The following ADCY2 variants were observed in gnomAD, a reference collection of about 807,000 sequenced individuals.
The protein encoded by ADCY2 is adenylate cyclase 2, also known as adenylate cyclase type 2.
Under a neutral mutation model 125.2 loss-of-function variants are expected in ADCY2, and 31 were observed. That is an observed-to-expected ratio of 0.25 (90% confidence interval 0.19 to 0.33). ADCY2 has a LOEUF of 0.33. ADCY2 is among the 10% of genes least tolerant of loss of function. ADCY2 has a pLI of 1.00. For missense variants in ADCY2, 904 were observed against 1,418.2 expected, an observed-to-expected ratio of 0.64 and a Z score of 5.82; for synonymous variants, 512 against 548.4, an observed-to-expected ratio of 0.93 and a Z score of 0.93.
chr5:7,588,521 T>C (rs903902527), intron 3 of ADCY2, among the ~76,000 whole-genome samples: 1 of 152,218 alleles, frequency 6.6e-6, no homozygotes, highest in African/African-American at 2.4e-5. Flanking sequence ...GATAGATCAA[T>C]GGACTGTTGC....
chr5:7,415,934 C>T (rs986892859), intron 2 of ADCY2, among the ~76,000 whole-genome samples: 3 of 151,632 alleles, frequency 2.0e-5, no homozygotes, highest in African/African-American at 2.4e-5. Context: ...AGAGGGCTGT[C>T]GCAGGGTTGA....
chr5:7,593,815 T>G (rs1221629699), intron 3 of ADCY2, among the ~76,000 whole-genome samples: 1 of 150,608 alleles, frequency 6.6e-6, no homozygotes, highest in Admixed American at 6.6e-5. Context: ...AAAAAAAAAA[T>G]AACATGACAG....
At chr5:7,432,940 A>G (rs1349089418) in intron 2 of ADCY2, among the ~76,000 whole-genome samples, 6 of 152,068 alleles carry the variant, frequency 3.9e-5, no homozygotes, top group Non-Finnish European at 7.4e-5. Flanking sequence ...TGCTTATTGT[A>G]CATCAGTTAT....
intron 18 of ADCY2, among the ~76,000 whole-genome samples, chr5:7,780,086 A>G (rs920455216): frequency 6.6e-6 from 1 of 152,228 alleles, no homozygotes; most frequent in Admixed American, 6.5e-5. Context: ...AGGAGAGGAC[A>G]CCATGAAAGT....
At chr5:7,434,650 T>C (rs1380263071) in intron 2 of ADCY2, among the ~76,000 whole-genome samples, 2 of 152,262 alleles carry the variant, frequency 1.3e-5, no homozygotes, top group African/African-American at 2.4e-5. Flanking sequence ...TGCAGAAGCA[T>C]GCTTTTATAA....
Position 7,820,637 on chromosome 5 carries a change from C to G in ADCY2, c.3071C>G (p.Thr1024Ser). 6.2e-7 allele frequency: 1 copy of G among 1,614,114 alleles called. No homozygotes were observed. The highest frequency in any genetic ancestry group is 8.5e-7 in the Non-Finnish European group (1 of 1,179,988). The change falls in exon 24 of 25, where the codon ACT becomes AGT. Residue 1024 changes from threonine to serine, a missense_variant. By Grantham distance (58) the Thr-to-Ser change is moderately conservative (BLOSUM62 1). Coordinates refer to ENST00000338316, the MANE Select transcript of ADCY2 (RefSeq NM_020546.3). ...QKPQYDIWGN[T>S]VNVASRMDST... ...CCACAATATGATATCTGGGGCAACA[C>G]TGTCAATGTGGCCAGTAGGATGGAC...
At chr5:7,447,437 C>G (rs572014370) in intron 2 of ADCY2, among the ~76,000 whole-genome samples, 7 of 152,316 alleles carry the variant, frequency 4.6e-5, no homozygotes, top group African/African-American at 1.7e-4. Context: ...ACTTCAGAAT[C>G]TGGTTCAGGG....
In ADCY2 at chr5:7,457,893, A is replaced by G. The variant is rs73737388; in HGVS notation, c.408+43123A>G. Among the ~76,000 whole-genome samples the G allele has an allele frequency of 5.4e-3, 830 of 152,332 alleles. 3 individuals carry two copies. The highest frequency in any genetic ancestry group is 0.019 in the African/African-American group (798 of 41,572). Reference sequence around the variant, plus strand: ...CAGTCACCATGTTTGCAAAAGTAAAATAAATCTCAAAATTTGACTAATAAT... The same window carrying G: ...CAGTCACCATGTTTGCAAAAGTAAAGTAAATCTCAAAATTTGACTAATAAT... On this transcript the variant is annotated intron_variant, in intron 2 of 24. Transcript: ENST00000338316.
intron 2 of ADCY2, among the ~76,000 whole-genome samples, chr5:7,508,330 A>T (rs1743925060): frequency 6.6e-6 from 1 of 152,160 alleles, no homozygotes; most frequent in Non-Finnish European, 1.5e-5. Context: ...CTCAGTGGCT[A>T]TTGCAATATA....
chr5:7,569,628 T>G (rs1240217108), intron 3 of ADCY2, among the ~76,000 whole-genome samples: 3 of 152,104 alleles, frequency 2.0e-5, no homozygotes, highest in Non-Finnish European at 4.4e-5. Flanking sequence ...CCAAGCCAGT[T>G]GGAATATACA....
chr5:7,486,069 T>A (rs560160257), intron 2 of ADCY2, among the ~76,000 whole-genome samples: 1 of 152,342 alleles, frequency 6.6e-6, no homozygotes, highest in South Asian at 2.1e-4. Context: ...ATATGTGATA[T>A]TATTCATTAC....
At chr5:7,726,891 C>A (rs1741949547) in intron 13 of ADCY2, among the ~76,000 whole-genome samples, 1 of 152,140 alleles carries the variant, frequency 6.6e-6, no homozygotes, top group Non-Finnish European at 1.5e-5. Flanking sequence ...AGGTGCCTCT[C>A]TCCTTACTAG....
At position 7,802,909 on chromosome 5, in the gene ADCY2, A is replaced by G. The variant is rs946546384; in HGVS notation, c.2775+545A>G. Among the ~76,000 whole-genome samples the G allele has an allele frequency of 1.7e-4, 26 of 152,232 alleles. No individual in the cohort carries two copies. The highest frequency in any genetic ancestry group is 6.3e-4 in the African/African-American group (26 of 41,470). ...TAGAGAATAGTGTGTTCTATTTCCC[A>G]GTAAGAACAAACGCCCCTCTGGTTT... On this transcript the variant is annotated intron_variant, in intron 21 of 24. Coordinates refer to ENST00000338316, the MANE Select transcript of ADCY2 (RefSeq NM_020546.3). The surrounding 1 kb of genome is among the most constrained non-coding windows in gnomAD (Gnocchi z 4.6).
intron 4 of ADCY2, among the ~76,000 whole-genome samples, chr5:7,643,204 TA>T (rs1484563602): frequency 6.6e-6 from 1 of 152,054 alleles, no homozygotes; most frequent in African/African-American, 2.4e-5. Flanking sequence ...CTGCAGTTTC[TA>T]AATAATTTAA....
At chr5:7,824,974 T>A (rs553366320) in intron 24 of ADCY2, among the ~76,000 whole-genome samples, 95 of 152,230 alleles carry the variant, frequency 6.2e-4, no homozygotes, top group African/African-American at 2.2e-3. Context: ...CTTTGCACCT[T>A]CCCCGGGACA....
chr5:7,631,069 G>T lies in ADCY2; in HGVS notation c.720+4753G>T, dbSNP rs565487005. ...GCTTCCCAAAGTGCTGGGATTACAG[G>T]CATGAGCCACTGAGCCCGGCCTGTC... On this transcript the variant is annotated intron_variant, in intron 4 of 24. Coordinates refer to ENST00000338316, the MANE Select transcript of ADCY2 (RefSeq NM_020546.3). 1.1e-4 allele frequency among the ~76,000 whole-genome samples: 17 copies of T among 152,276 alleles called. No homozygotes were observed. The East Asian group carries it at 2.7e-3, about 24-fold the overall frequency.
intron 2 of ADCY2, among the ~76,000 whole-genome samples, chr5:7,467,789 A>G (rs1742180392): frequency 6.6e-6 from 1 of 152,180 alleles, no homozygotes; most frequent in South Asian, 2.1e-4. Context: ...CTGCATGGAT[A>G]TTTCCTTAAT....
chr5:7,558,140 C>G (rs532125157), intron 3 of ADCY2, among the ~76,000 whole-genome samples: 1 of 151,942 alleles, frequency 6.6e-6, no homozygotes, highest in African/African-American at 2.4e-5. Context: ...GCAACCCCTG[C>G]CACCCGGGTT....
intron 2 of ADCY2, among the ~76,000 whole-genome samples, chr5:7,425,675 C>T (rs17813652): frequency 0.24 from 35,962 of 152,166 alleles, 5,090 homozygotes; most frequent in Non-Finnish European, 0.32. Context: ...ATTATTTTCA[C>T]TCAAGTCGTA....
Sources: gnomAD v4.1 joint callset for allele counts (sites outside exome capture counted in the v4.1 genomes callset) on GRCh38, gnomAD v4.1.1 for gene constraint, Gnocchi (gnomAD v3.1) non-coding constraint, MANE v1.5 for transcripts, NCBI Gene and HGNC (gene_info 2026-07-23, HGNC 2026-07-21) for gene names.